The following LAMA2 variants were observed in gnomAD, a reference collection of about 807,000 sequenced individuals.
LAMA2 encodes the protein laminin subunit alpha 2.
LAMA2 carries 269 observed loss-of-function variants against 364.8 expected under a neutral mutation model. That is an observed-to-expected ratio of 0.74 (90% CI 0.67 to 0.82). LAMA2 has a LOEUF of 0.82. LAMA2 is among the 40% of genes least tolerant of loss of function. LAMA2 has a pLI of 0.00. For missense variants in LAMA2, 3,807 were observed against 3,873.2 expected (o/e 0.98, Z 0.45); for synonymous variants, 1,379 against 1,370.6 (o/e 1.01, Z -0.14).
At chr6:129,288,336 T>G (rs1006458408) in intron 19 of LAMA2, among the ~76,000 whole-genome samples, 2 of 152,160 alleles carry the variant, frequency 1.3e-5, no homozygotes, top group Non-Finnish European at 2.9e-5. Context: ...TTTAATGAAC[T>G]TATGTCCACA....
chr6:129,143,103 T>G (rs985886462), intron 4 of LAMA2, among the ~76,000 whole-genome samples: 60 of 152,150 alleles, frequency 3.9e-4, no homozygotes, highest in Admixed American at 2.4e-3. Context: ...CTGCCAGCCT[T>G]CTACACCTTT....
intron 1 of LAMA2, among the ~76,000 whole-genome samples, chr6:128,937,564 G>A (rs1779903184): frequency 6.6e-6 from 1 of 151,788 alleles, no homozygotes. Context: ...TCAACTTCTT[G>A]TAGGTTATTG....
At chr6:129,378,342 G>A (rs1778489805) in intron 34 of LAMA2, among the ~76,000 whole-genome samples, 1 of 152,188 alleles carries the variant, frequency 6.6e-6, no homozygotes. Flanking sequence ...TCAATAGCCT[G>A]TCCTGGGTGA....
rs536030803 is a variant in LAMA2 at position 129,079,672 on chromosome 6, T to G, written c.397-18501T>G. Among the ~76,000 whole-genome samples the G allele has an allele frequency of 2.6e-5, 4 of 152,188 alleles. No individual in the cohort carries two copies. The South Asian group carries it at 6.2e-4, about 24-fold the overall frequency. On this transcript the variant is annotated intron_variant, in intron 3 of 64. Transcript: ENST00000421865. ...GACAATTTTGAAATATTGTAAGAGA[T>G]ATAAAATAACTTTGATGTTGGAAAG...
At chr6:129,165,752 AT>A (rs1779710680) in intron 9 of LAMA2, 77 bp downstream of exon 9, 2 of 892,990 alleles carry the variant, frequency 2.2e-6, no homozygotes, top group Admixed American at 1.9e-5. Flanking sequence ...TCAGAAGAAT[AT>A]TTTGCAGTAA....
chr6:129,265,901 A>G (rs1238972660), intron 15 of LAMA2, among the ~76,000 whole-genome samples: 1 of 152,074 alleles, frequency 6.6e-6, no homozygotes, highest in Non-Finnish European at 1.5e-5. Context: ...TTTTTTTGGT[A>G]CTGTTCAAAT....
intron 1 of LAMA2, among the ~76,000 whole-genome samples, chr6:128,916,927 T>C (rs1778353887): frequency 6.6e-6 from 1 of 152,186 alleles, no homozygotes; most frequent in Non-Finnish European, 1.5e-5. Flanking sequence ...GGATGGAGTT[T>C]GGTGAAGTGG....
intron 1 of LAMA2, among the ~76,000 whole-genome samples, chr6:128,985,870 A>G (rs1389846459): frequency 6.6e-6 from 1 of 152,182 alleles, no homozygotes; most frequent in Non-Finnish European, 1.5e-5. Flanking sequence ...ATTTCATCCC[A>G]TCAAATATTG....
intron 8 of LAMA2, chr6:129,157,996 A>C: frequency 6.2e-7 from 1 of 1,612,036 alleles, no homozygotes; most frequent in Non-Finnish European, 8.5e-7. Flanking sequence ...GCAATGCAGC[A>C]ACTCCCATTT....
At position 129,260,767 on chromosome 6, in the gene LAMA2, C is replaced by A. The variant is rs373673505; in HGVS notation, c.2153C>A (p.Ala718Glu). Residue 718 changes from alanine to glutamate, a missense_variant, in exon 15 of 65, where the codon GCA (alanine) becomes GAA (glutamate). Physicochemically the swap from Ala to Glu is moderately radical, Grantham distance 107. Around this residue, in one of 3 missense-constraint regions of LAMA2, gnomAD observed 3,333 missense variants for 3,345.7 expected, o/e 1.00. Transcript: ENST00000421865. ...AVSYPTDGSI[A>E]AAVEVCQCPP... ...TCCTATCCTACTGATGGAAGCATTG[C>A]AGCAGCTGTAGAAGTGTGTCAGTGC... 21 of 1,612,696 alleles carry A rather than the reference C, an allele frequency of 1.3e-5. No homozygotes were observed. In the African/African-American group the frequency reaches 2.7e-4, roughly 21 times the overall value.
intron 1 of LAMA2, among the ~76,000 whole-genome samples, chr6:128,962,185 T>TATATATATATATATATATACAC (rs1214826895): frequency 9.6e-6 from 1 of 103,918 alleles, no homozygotes; most frequent in Non-Finnish European, 2.0e-5. Flanking sequence ...TATATATATA[T>TATATATATATATATATATACAC]ACACACATAC....
At chr6:129,218,784 A>G (rs1783592791) in intron 12 of LAMA2, among the ~76,000 whole-genome samples, 1 of 152,182 alleles carries the variant, frequency 6.6e-6, no homozygotes, top group South Asian at 2.1e-4. Context: ...GTTATATTGA[A>G]AAAAGTAATA....
At chr6:129,187,800 C>G (rs890864580) in intron 10 of LAMA2, among the ~76,000 whole-genome samples, 2 of 151,790 alleles carry the variant, frequency 1.3e-5, no homozygotes, top group Non-Finnish European at 2.9e-5. Flanking sequence ...ATTTGAGCAT[C>G]ATATAGGTGC....
chr6:128,954,991 A>T (rs1418192481), intron 1 of LAMA2, among the ~76,000 whole-genome samples: 2 of 151,768 alleles, frequency 1.3e-5, no homozygotes, highest in Admixed American at 6.6e-5. Context: ...GCAAAAAAAA[A>T]AATAATAAGA....
intron 48 of LAMA2, among the ~76,000 whole-genome samples, chr6:129,458,004 G>A (rs555137962): frequency 1.9e-4 from 29 of 152,194 alleles, no homozygotes; most frequent in Admixed American, 1.4e-3. Flanking sequence ...TGGCGGGTAG[G>A]ATTTTAACAT....
At chr6:128,899,537 T>C (rs956956457) in intron 1 of LAMA2, among the ~76,000 whole-genome samples, 1 of 152,200 alleles carries the variant, frequency 6.6e-6, no homozygotes. Context: ...CACTCAAAAA[T>C]TGGATGAAGA....
At chr6:129,278,092 C>T (rs1788452079) in intron 17 of LAMA2, among the ~76,000 whole-genome samples, 1 of 152,100 alleles carries the variant, frequency 6.6e-6, no homozygotes, top group African/African-American at 2.4e-5. Context: ...ATCCCAGCTA[C>T]TCAGGAGGCT....
chr6:128,911,225 C>A (rs1168519391), intron 1 of LAMA2, among the ~76,000 whole-genome samples: 2 of 152,130 alleles, frequency 1.3e-5, no homozygotes, highest in African/African-American at 4.8e-5. Context: ...GGCAGACGCC[C>A]CTCCCCCAGC....
intron 40 of LAMA2, among the ~76,000 whole-genome samples, chr6:129,424,995 T>C (rs1478709741): frequency 1.3e-5 from 2 of 151,914 alleles, no homozygotes; most frequent in African/African-American, 4.8e-5. Flanking sequence ...GTTGAAACTA[T>C]GTTGAGTGAA....
Sources: allele counts gnomAD v4.1 joint callset (sites outside exome capture counted in the v4.1 genomes callset), GRCh38; gene constraint gnomAD v4.1.1; regional missense constraint gnomAD v4.1.1; transcripts MANE v1.5; gene names NCBI Gene and HGNC (gene_info 2026-07-23, HGNC 2026-07-21).